The following EXOC6 variants were observed in gnomAD, a reference collection of about 807,000 sequenced individuals.
The protein encoded by EXOC6 is SEC15-like 1.
EXOC6 carries 60 observed loss-of-function variants against 112.5 expected under a neutral mutation model. That is an observed-to-expected ratio of 0.53 (90% confidence interval 0.43 to 0.66). The LOEUF (loss-of-function observed/expected upper bound fraction) is 0.66, where lower values mean the gene tolerates loss of function less well. Among genes scored for constraint, EXOC6 ranks in the 30% least tolerant of loss-of-function variants. EXOC6 has a pLI of 0.00. For missense variants in EXOC6, 855 were observed against 957.1 expected, an observed-to-expected ratio of 0.89 and a Z score of 1.41; for synonymous variants, 295 against 308.0, an observed-to-expected ratio of 0.96 and a Z score of 0.44.
intron 18 of EXOC6, among the ~76,000 whole-genome samples, chr10:92,983,726 C>T (rs536535363): frequency 5.3e-5 from 8 of 152,054 alleles, no homozygotes; most frequent in African/African-American, 9.6e-5. Flanking sequence ...AGGCTGGTCT[C>T]GAACTCCTGG....
chr10:92,919,643 C>A (rs555080908), intron 7 of EXOC6, among the ~76,000 whole-genome samples: 1 of 152,196 alleles, frequency 6.6e-6, no homozygotes, highest in Admixed American at 6.5e-5. Context: ...ATCTGTGTAT[C>A]ATTTTTACCC....
chr10:92,995,286 A>G (rs1476004283), intron 18 of EXOC6, among the ~76,000 whole-genome samples: 1 of 152,064 alleles, frequency 6.6e-6, no homozygotes. Flanking sequence ...TACTCTTACC[A>G]TCGTTTTCAG....
intron 19 of EXOC6, among the ~76,000 whole-genome samples, chr10:93,012,229 T>C (rs989291631): frequency 2.0e-5 from 3 of 152,094 alleles, no homozygotes; most frequent in African/African-American, 4.8e-5. Context: ...GCTTACCTGC[T>C]CAAGAAGAGT....
At chr10:92,975,984 C>T (rs1701999118) in intron 18 of EXOC6, among the ~76,000 whole-genome samples, 1 of 145,666 alleles carries the variant, frequency 6.9e-6, no homozygotes, top group African/African-American at 2.5e-5. Context: ...TCTGCCCAGC[C>T]GCCCCTACTG....
chr10:92,909,082 T>TCATATAAC (rs1850600935), intron 5 of EXOC6, among the ~76,000 whole-genome samples: 1 of 152,264 alleles, frequency 6.6e-6, no homozygotes, highest in South Asian at 2.1e-4. Flanking sequence ...GAATACAAAA[T>TCATATAAC]CATATAACAA....
chr10:93,042,017 C>T (rs1271604680), intron 20 of EXOC6, among the ~76,000 whole-genome samples: 1 of 152,202 alleles, frequency 6.6e-6, no homozygotes, highest in African/African-American at 2.4e-5. Context: ...GGCCAGCTTC[C>T]TTGTTTAGAA....
At chr10:93,007,401 A>G (rs1242799688) in intron 19 of EXOC6, among the ~76,000 whole-genome samples, 1 of 152,110 alleles carries the variant, frequency 6.6e-6, no homozygotes, top group Non-Finnish European at 1.5e-5. Flanking sequence ...CTGTAATCCC[A>G]GCACTTTGGG....
chr10:92,968,476 G>A (rs1842155724), intron 17 of EXOC6, among the ~76,000 whole-genome samples: 1 of 152,038 alleles, frequency 6.6e-6, no homozygotes, highest in Non-Finnish European at 1.5e-5. Context: ...ATAAACCACT[G>A]TGCCTGCCAT....
At chr10:93,057,224 A>G (rs1846588654) in intron 21 of EXOC6, among the ~76,000 whole-genome samples, 188 bp downstream of exon 21, 2 of 152,164 alleles carry the variant, frequency 1.3e-5, no homozygotes, top group South Asian at 4.1e-4. Flanking sequence ...TTCATAAGCA[A>G]CTGCTGTTTA....
intron 20 of EXOC6, among the ~76,000 whole-genome samples, chr10:93,045,788 T>C (rs1845979027): frequency 1.3e-5 from 2 of 152,224 alleles, no homozygotes; most frequent in Admixed American, 1.3e-4. Flanking sequence ...TAGCAGATGA[T>C]GTAGTGAATC....
At chr10:92,997,742 G>A in intron 19 of EXOC6, 127 bp downstream of exon 19, 1 of 699,668 alleles carries the variant, frequency 1.4e-6, no homozygotes, top group Non-Finnish European at 2.1e-6. Context: ...ACTTTTAGCA[G>A]CCTTAGGAGT....
chr10:93,046,451 A>G (rs1404381159), intron 20 of EXOC6, among the ~76,000 whole-genome samples: 1 of 152,120 alleles, frequency 6.6e-6, no homozygotes, highest in African/African-American at 2.4e-5. Context: ...TAACCCAACC[A>G]AGGTGGTCTG....
intron 4 of EXOC6, among the ~76,000 whole-genome samples, chr10:92,898,931 G>T (rs1338673068): frequency 6.6e-6 from 1 of 152,102 alleles, no homozygotes; most frequent in African/African-American, 2.4e-5. Flanking sequence ...GGGTAAAAAG[G>T]TTTAAAACCT....
chr10:93,043,672 C>A (rs1462928503), intron 20 of EXOC6, among the ~76,000 whole-genome samples: 1 of 152,144 alleles, frequency 6.6e-6, no homozygotes, highest in African/African-American at 2.4e-5. Flanking sequence ...TTAGGTTATC[C>A]AGAGGTCAGG....
chr10:93,015,826 A>G (rs999605716), intron 20 of EXOC6, among the ~76,000 whole-genome samples: 7 of 152,156 alleles, frequency 4.6e-5, no homozygotes, highest in African/African-American at 1.4e-4. Context: ...CTTATCTCCA[A>G]ATTATGTCTG....
chr10:92,978,477 T>C (rs546940698), intron 18 of EXOC6, among the ~76,000 whole-genome samples: 8 of 152,230 alleles, frequency 5.3e-5, no homozygotes, highest in Admixed American at 4.6e-4. Flanking sequence ...ACTAAAAGCA[T>C]GATTTTCAAG....
At chr10:92,976,364 C>T (rs1311462698) in intron 18 of EXOC6, among the ~76,000 whole-genome samples, 1 of 152,016 alleles carries the variant, frequency 6.6e-6, no homozygotes, top group African/African-American at 2.4e-5. Context: ...GTGACCTTAC[C>T]CCCAACCCTG....
chr10:92,905,451 TA>T (rs1850389468), intron 5 of EXOC6, among the ~76,000 whole-genome samples: 1 of 152,090 alleles, frequency 6.6e-6, no homozygotes, highest in African/African-American at 2.4e-5. Context: ...TTTCTTTAAT[TA>T]TTTCTATCAG....
At chr10:93,016,116 C>G (rs949967501) in intron 20 of EXOC6, among the ~76,000 whole-genome samples, 2 of 152,038 alleles carry the variant, frequency 1.3e-5, no homozygotes, top group Non-Finnish European at 2.9e-5. Context: ...ATTTTACAGT[C>G]ACCTGTGATC....
Sources: gnomAD v4.1 joint callset for allele counts (sites outside exome capture counted in the v4.1 genomes callset) on GRCh38, gnomAD v4.1.1 for gene constraint, MANE v1.5 for transcripts, NCBI Gene and HGNC (gene_info 2026-07-23, HGNC 2026-07-21) for gene names.